MTPN: variants seen among roughly 807,000 people sequenced by gnomAD.
MTPN encodes granule cell differentiation protein.
In MTPN, 2 loss-of-function variants were observed where a neutral mutation model predicts 13.5. The observed-to-expected ratio is 0.15, with a 90% CI of 0.06 to 0.47. The LOEUF (loss-of-function observed/expected upper bound fraction) is 0.47. Among genes scored for constraint, MTPN ranks in the 20% least tolerant of loss-of-function variants. The pLI is 0.97. For synonymous variants in MTPN, 46 were observed against 51.7 expected (o/e 0.89, Z 0.48); for missense variants, 79 against 137.9 (o/e 0.57, Z 2.14).
intron 1 of MTPN, chr7:135,960,624 T>C (rs569481235): frequency 1.1e-4 from 17 of 151,388 alleles, no homozygotes; most frequent in African/African-American, 4.1e-4. Context: ...TAAAATGTAG[T>C]AGAAAAAGAA....
At position 135,928,321 on chromosome 7, in the gene MTPN, C is replaced by T. The variant is rs1219402560; in HGVS notation, c.*1605G>A. 1 of 166,880 alleles carries T rather than the reference C, an allele frequency of 6.0e-6. No individual in the cohort carries two copies. Among genetic ancestry groups the T allele is most frequent in the Non-Finnish European group, 1.5e-5 (1 of 68,150 alleles). 10.3% of individuals were successfully genotyped at this position (166,880 alleles called of 1,614,324 possible). On this transcript the variant is annotated 3_prime_UTR_variant, in exon 4 of 4. Transcript: ENST00000393085. ...ACACACACACCCACACACACCTATA[C>T]ACCCACACACCCACATGCCAACCAA...
At chr7:135,975,180 T>C (rs543177347) in intron 1 of MTPN, among the ~76,000 whole-genome samples, 103 of 152,328 alleles carry the variant, frequency 6.8e-4, no homozygotes, top group Non-Finnish European at 1.2e-3. Flanking sequence ...ATAAAACTAA[T>C]TGGAAATAAA....
intron 1 of MTPN, among the ~76,000 whole-genome samples, chr7:135,972,260 C>CA (rs1554395914): frequency 0.03 from 2,512 of 83,368 alleles, 56 homozygotes; most frequent in African/African-American, 0.091. Context: ...CACACACACA[C>CA]CCCATGTAGA....
intron 1 of MTPN, among the ~76,000 whole-genome samples, chr7:135,972,463 T>C (rs6945871): frequency 0.098 from 14,959 of 152,254 alleles, 1,068 homozygotes; most frequent in African/African-American, 0.2. Flanking sequence ...CCTGACAATG[T>C]AAGTCATCCA....
At chr7:135,958,693 A>C (rs1029713274) in intron 1 of MTPN, among the ~76,000 whole-genome samples, 2 of 152,148 alleles carry the variant, frequency 1.3e-5, no homozygotes, top group Non-Finnish European at 2.9e-5. Flanking sequence ...CTTGTGTTTA[A>C]CAGTCACAAC....
intron 3 of MTPN, among the ~76,000 whole-genome samples, chr7:135,931,176 A>C (rs2116337109): frequency 6.6e-6 from 1 of 152,298 alleles, no homozygotes; most frequent in South Asian, 2.1e-4. Context: ...TGAATGTTTA[A>C]TATGCGCATA....
chr7:135,952,346 CA>C (rs1799374816), intron 1 of MTPN, among the ~76,000 whole-genome samples: 1 of 151,928 alleles, frequency 6.6e-6, no homozygotes, highest in Non-Finnish European at 1.5e-5. Context: ...AACTTAAGTC[CA>C]AAAAAGTCAT....
chr7:135,942,691 T>A (rs1347191175), intron 3 of MTPN, among the ~76,000 whole-genome samples: 1 of 152,230 alleles, frequency 6.6e-6, no homozygotes, highest in South Asian at 2.1e-4. Context: ...CTGTGAGCTA[T>A]TTTATCCTCA....
chr7:135,935,359 C>T (rs1799099704), intron 3 of MTPN, among the ~76,000 whole-genome samples: 1 of 152,084 alleles, frequency 6.6e-6, no homozygotes, highest in Admixed American at 6.6e-5. Context: ...CTGCCTCAGC[C>T]TCCCGAGTAG....
At chr7:135,975,534 C>T (rs1004066710) in intron 1 of MTPN, among the ~76,000 whole-genome samples, 2 of 152,178 alleles carry the variant, frequency 1.3e-5, no homozygotes, top group Admixed American at 6.5e-5. Flanking sequence ...CAGGAAAACA[C>T]TAAATACATT....
intron 1 of MTPN, among the ~76,000 whole-genome samples, chr7:135,968,905 C>T (rs1044192238): frequency 5.3e-5 from 8 of 151,806 alleles, no homozygotes; most frequent in African/African-American, 1.9e-4. Flanking sequence ...AACCACACAT[C>T]ATTAAATCAG....
At chr7:135,957,527 C>G (rs1483915806) in intron 1 of MTPN, among the ~76,000 whole-genome samples, 1 of 152,062 alleles carries the variant, frequency 6.6e-6, no homozygotes, top group African/African-American at 2.4e-5. Context: ...AGTGACAGTG[C>G]ATGACCAGTT....
chr7:135,942,184 C>T (rs897365165), intron 3 of MTPN, among the ~76,000 whole-genome samples: 3 of 152,010 alleles, frequency 2.0e-5, no homozygotes, highest in Non-Finnish European at 4.4e-5. Flanking sequence ...CTACTGTGCC[C>T]GGCCGCTGTT....
In MTPN at chr7:135,965,619, T is replaced by C. The variant is rs1363090974; in HGVS notation, c.72+11410A>G. On this transcript the variant is annotated intron_variant, in intron 1 of 3. Transcript: ENST00000393085. ...TATCTTTACTTTTAGTGAGACTGTA[T>C]AGTGTTAACAATTCTTGACTGAAAT... Among the ~76,000 whole-genome samples the C allele has an allele frequency of 3.9e-5, 6 of 152,106 alleles. No individual in the cohort carries two copies. In the East Asian group the frequency reaches 1.2e-3, roughly 29 times the overall value.
At chr7:135,975,762 T>C (rs946687197) in intron 1 of MTPN, among the ~76,000 whole-genome samples, 1 of 152,240 alleles carries the variant, frequency 6.6e-6, no homozygotes, top group Non-Finnish European at 1.5e-5. Context: ...GGCTACCAGC[T>C]GAGAAGGCAG....
chr7:135,956,706 G>C (rs1799448807), intron 1 of MTPN, among the ~76,000 whole-genome samples: 1 of 151,676 alleles, frequency 6.6e-6, no homozygotes, highest in Non-Finnish European at 1.5e-5. Flanking sequence ...CTTTTTTTTG[G>C]GGAAAACTTC....
intron 3 of MTPN, among the ~76,000 whole-genome samples, chr7:135,933,451 A>G (rs1799058786): frequency 6.6e-6 from 1 of 152,158 alleles, no homozygotes; most frequent in African/African-American, 2.4e-5. Flanking sequence ...ATACTTTCTC[A>G]ACCTTCCCAT....
chr7:135,965,809 T>C (rs1329188344), intron 1 of MTPN, among the ~76,000 whole-genome samples: 1 of 152,106 alleles, frequency 6.6e-6, no homozygotes, highest in Non-Finnish European at 1.5e-5. Flanking sequence ...TGAAAGAACA[T>C]CATTTACACT....
chr7:135,977,134 A>C lies in MTPN; in HGVS notation c.-34T>G. 6.2e-7 allele frequency: 1 copy of C among 1,611,504 alleles called. No homozygotes were observed. The highest frequency in any genetic ancestry group is 8.5e-7 in the Non-Finnish European group (1 of 1,177,956). Reference sequence around the variant, plus strand: ...CGGGGCAGGCCGGTTGGCCGGGCAGAAGATGAGGAGGCGGTGGCAGCAGCA... The same window carrying C: ...CGGGGCAGGCCGGTTGGCCGGGCAGCAGATGAGGAGGCGGTGGCAGCAGCA... On this transcript the variant is annotated 5_prime_UTR_variant, in exon 1 of 4. Coordinates refer to ENST00000393085, the MANE Select transcript of MTPN (RefSeq NM_145808.4).
Sources: allele counts gnomAD v4.1 joint callset (sites outside exome capture counted in the v4.1 genomes callset), GRCh38; gene constraint gnomAD v4.1.1; transcripts MANE v1.5; gene names NCBI Gene and HGNC (gene_info 2026-07-23, HGNC 2026-07-21).